CNBD1: variants seen among roughly 807,000 people sequenced by gnomAD.
CNBD1 encodes cyclic nucleotide-binding domain-containing protein 1.
In CNBD1, 71 loss-of-function variants were observed where a neutral mutation model predicts 54.4. The observed-to-expected ratio is 1.30, with a 90% CI of 1.08 to 1.59. CNBD1 has a LOEUF of 1.59. CNBD1 is among the 40% of genes most tolerant of loss of function. CNBD1 has a pLI of 0.00. For missense variants in CNBD1, 659 were observed against 518.0 expected (o/e 1.27, Z -2.64); for synonymous variants, 182 against 170.7 (o/e 1.07, Z -0.51).
chr8:87,371,214 C>CT (rs1810784678), intron 10 of CNBD1, among the ~76,000 whole-genome samples: 1 of 151,852 alleles, frequency 6.6e-6, no homozygotes, highest in Admixed American at 6.6e-5. Flanking sequence ...AATGGGGGCT[C>CT]TTTTTTGGTT....
intron 1 of CNBD1, among the ~76,000 whole-genome samples, chr8:86,884,042 C>T (rs2131782447): frequency 6.6e-6 from 1 of 151,376 alleles, no homozygotes; most frequent in Middle Eastern, 3.4e-3. Flanking sequence ...GTCCCAGCTA[C>T]TTGGGAGGCT....
chr8:87,326,316 C>A lies in CNBD1; in HGVS notation c.1043-25369C>A, dbSNP rs191453535. Among the ~76,000 whole-genome samples, 6 of 122,354 alleles carry A rather than the reference C, an allele frequency of 4.9e-5. 1 individual carries two copies. Among genetic ancestry groups the A allele is most frequent in the African/African-American group, 1.8e-4 (6 of 33,144 alleles). 80.3% of individuals were successfully genotyped at this position (122,354 alleles called of 152,430 possible). ...CACTTCTCGAGGAATATCTTTGTGG[C>A]GTTCTCTGTATTTCCTGAATCTGAA... On this transcript the variant is annotated intron_variant, in intron 8 of 10. Coordinates refer to ENST00000518476, the MANE Select transcript of CNBD1 (RefSeq NM_173538.3).
chr8:86,956,691 CTT>C (rs1367217922), intron 4 of CNBD1, among the ~76,000 whole-genome samples: 4 of 152,152 alleles, frequency 2.6e-5, no homozygotes, highest in African/African-American at 9.7e-5. Context: ...TATCCTGAGA[CTT>C]TGCTGAAGTG....
intron 4 of CNBD1, among the ~76,000 whole-genome samples, chr8:86,973,406 T>A (rs945848650): frequency 2.0e-5 from 3 of 152,246 alleles, no homozygotes; most frequent in African/African-American, 7.2e-5. Flanking sequence ...TGATCAAAAG[T>A]TGTACTTTTG....
At chr8:87,200,756 C>A (rs994681844) in intron 4 of CNBD1, among the ~76,000 whole-genome samples, 2 of 152,022 alleles carry the variant, frequency 1.3e-5, no homozygotes, top group South Asian at 2.1e-4. Flanking sequence ...GATTAAATTG[C>A]CAAGTAAAGA....
chr8:87,229,040 G>A (rs1243795808), intron 5 of CNBD1, among the ~76,000 whole-genome samples: 1 of 152,190 alleles, frequency 6.6e-6, no homozygotes, highest in Non-Finnish European at 1.5e-5. Flanking sequence ...CCCTTTCTTT[G>A]ATTAGGAAAG....
chr8:87,369,809 C>T (rs1288518708), intron 10 of CNBD1, among the ~76,000 whole-genome samples: 3 of 151,946 alleles, frequency 2.0e-5, no homozygotes, highest in South Asian at 2.1e-4. Flanking sequence ...ATGCGCCATG[C>T]TGGTGTGCTG....
chr8:87,057,544 C>T (rs117836278), intron 4 of CNBD1, among the ~76,000 whole-genome samples: 3,814 of 152,248 alleles, frequency 0.025, 70 homozygotes, highest in Non-Finnish European at 0.038. Context: ...ATGTCATGTC[C>T]TCACATTTCA....
At chr8:87,134,384 T>C (rs1198635694) in intron 4 of CNBD1, among the ~76,000 whole-genome samples, 1 of 151,964 alleles carries the variant, frequency 6.6e-6, no homozygotes, top group Non-Finnish European at 1.5e-5. Context: ...CAAAAAAGAG[T>C]ATATAGTGTA....
intron 3 of CNBD1, among the ~76,000 whole-genome samples, chr8:86,914,379 A>C (rs1488351871): frequency 6.6e-6 from 1 of 152,166 alleles, no homozygotes; most frequent in Non-Finnish European, 1.5e-5. Flanking sequence ...ATTGCTTATA[A>C]TATTTGGTAC....
chr8:87,414,319 C>A (rs1230559294), intron 2 of CNBD1, among the ~76,000 whole-genome samples: 1 of 151,926 alleles, frequency 6.6e-6, no homozygotes, highest in East Asian at 1.9e-4. Context: ...GGGAATTGAA[C>A]AATGAGAACC....
chr8:87,345,135 T>C (rs1810144051), intron 8 of CNBD1, among the ~76,000 whole-genome samples: 2 of 152,174 alleles, frequency 1.3e-5, no homozygotes, highest in African/African-American at 4.8e-5. Context: ...AAATAGAATT[T>C]TGATTCAGAA....
chr8:87,428,124 C>T (rs898752774), intron 2 of CNBD1, among the ~76,000 whole-genome samples: 80 of 134,914 alleles, frequency 5.9e-4, no homozygotes, highest in African/African-American at 2.2e-3. Flanking sequence ...AGCATAAGAT[C>T]CTCCCCCAAC....
intron 1 of CNBD1, among the ~76,000 whole-genome samples, chr8:86,876,157 C>T (rs1808516983): frequency 7.0e-6 from 1 of 143,436 alleles, no homozygotes; most frequent in Admixed American, 7.3e-5. Flanking sequence ...GTGATAATGC[C>T]TTGTTTGATA....
chr8:87,150,509 C>T lies in CNBD1; in HGVS notation c.432-55484C>T, dbSNP rs1269722655. On this transcript the variant is annotated intron_variant, in intron 4 of 10. Coordinates refer to ENST00000518476, the MANE Select transcript of CNBD1 (RefSeq NM_173538.3). ...TAAATCTGAATTGCTTAATTTAAAC[C>T]CACAATTTATTTAAAGATTTTGTCA... 2.6e-5 allele frequency among the ~76,000 whole-genome samples: 4 copies of T among 152,140 alleles called. No homozygotes were observed. The East Asian group carries it at 7.7e-4, about 29-fold the overall frequency.
chr8:87,291,262 C>A (rs550823679), intron 8 of CNBD1, among the ~76,000 whole-genome samples: 9 of 141,516 alleles, frequency 6.4e-5, no homozygotes, highest in East Asian at 2.0e-4. Context: ...GTGTCACTAT[C>A]GCCATTGAGG....
intron 2 of CNBD1, among the ~76,000 whole-genome samples, chr8:87,410,494 A>C (rs915892876): frequency 2.6e-5 from 4 of 152,168 alleles, no homozygotes. Context: ...TGAATGCATG[A>C]GGTGATGCTT....
intron 10 of CNBD1, among the ~76,000 whole-genome samples, chr8:87,376,079 A>T (rs948493417): frequency 1.3e-5 from 2 of 151,964 alleles, no homozygotes; most frequent in Admixed American, 1.3e-4. Context: ...TAGTTCAAAG[A>T]TTCAGCAGCT....
intron 10 of CNBD1, among the ~76,000 whole-genome samples, chr8:87,374,738 T>C (rs1046243743): frequency 1.1e-4 from 17 of 151,830 alleles, no homozygotes; most frequent in Admixed American, 9.2e-4. Flanking sequence ...GGAAGTCAAG[T>C]ACTCCAAAAT....
Sources: allele counts gnomAD v4.1 joint callset (sites outside exome capture counted in the v4.1 genomes callset), GRCh38; gene constraint gnomAD v4.1.1; transcripts MANE v1.5; gene names NCBI Gene and HGNC (gene_info 2026-07-23, HGNC 2026-07-21).